The following GRM5 variants were observed in gnomAD, a reference collection of about 807,000 sequenced individuals.
GRM5 encodes the protein glutamate metabotropic receptor 5.
In GRM5, 19 loss-of-function variants were observed where a neutral mutation model predicts 83.1. The observed-to-expected ratio is 0.23, with a 90% CI of 0.16 to 0.34. The LOEUF (loss-of-function observed/expected upper bound fraction) is 0.34, where lower values mean the gene tolerates loss of function less well. Among genes scored for constraint, GRM5 ranks in the 10% least tolerant of loss-of-function variants. The pLI, the probability that GRM5 is intolerant of heterozygous loss-of-function variation, is 1.00. For synonymous variants in GRM5, 675 were observed against 633.6 expected, an observed-to-expected ratio of 1.07 and a Z score of -0.98; for missense variants, 1,160 against 1,588.3, an observed-to-expected ratio of 0.73 and a Z score of 4.58.
At chr11:88,937,695 G>GTCCACCAGGCCCTTAAATAAAATAAAA (rs1227639253) in intron 2 of GRM5, among the ~76,000 whole-genome samples, 69 of 151,738 alleles carry the variant, frequency 4.5e-4, no homozygotes, top group African/African-American at 1.6e-3. Flanking sequence ...TACAGTAGAG[G>GTCCACCAGGCCCTTAAATAAAATAAAA]ATCTTTTATT....
In GRM5 at chr11:88,787,669, G is replaced by A. The variant is rs555790518; in HGVS notation, c.911+62237C>T. ...AAGAATATTAATGATGGTGATGCAT[G>A]GATATGTTTAAGATTGACTTTAAGG... On this transcript the variant is annotated intron_variant, in intron 3 of 9. Coordinates refer to ENST00000305447, the MANE Select transcript of GRM5 (RefSeq NM_001143831.3). Among the ~76,000 whole-genome samples, 5 of 152,104 alleles carry A rather than the reference G, an allele frequency of 3.3e-5. 1 individual carries two copies. The South Asian group carries it at 1.0e-3, about 32-fold the overall frequency.
chr11:89,007,797 A>G (rs1940573090), intron 2 of GRM5, among the ~76,000 whole-genome samples: 1 of 152,320 alleles, frequency 6.6e-6, no homozygotes, highest in South Asian at 2.1e-4. Context: ...CAAGGTGAGA[A>G]GTAAAAGAAA....
At chr11:88,898,160 A>G (rs1054935754) in intron 2 of GRM5, among the ~76,000 whole-genome samples, 2 of 151,886 alleles carry the variant, frequency 1.3e-5, no homozygotes, top group Non-Finnish European at 2.9e-5. Flanking sequence ...CCAATCCTCC[A>G]TCTTCACATG....
At chr11:88,803,267 G>A (rs201751021) in intron 3 of GRM5, among the ~76,000 whole-genome samples, 2,504 of 151,536 alleles carry the variant, frequency 0.017, 41 homozygotes, top group East Asian at 0.067. Context: ...GAGGCATCAC[G>A]CTACCTGACT....
At chr11:89,065,549 C>A (rs796607172) in intron 1 of GRM5, among the ~76,000 whole-genome samples, 1 of 152,168 alleles carries the variant, frequency 6.6e-6, no homozygotes, top group African/African-American at 2.4e-5. Context: ...CTGATTCACA[C>A]AGCACACGTC....
At chr11:88,586,714 A>G (rs1943321894) in intron 7 of GRM5, among the ~76,000 whole-genome samples, 1 of 152,174 alleles carries the variant, frequency 6.6e-6, no homozygotes, top group African/African-American at 2.4e-5. Flanking sequence ...GGCTCTTTGG[A>G]AAAGTGCTGT....
chr11:88,709,686 A>T (rs1469009709), intron 3 of GRM5, among the ~76,000 whole-genome samples: 1 of 152,106 alleles, frequency 6.6e-6, no homozygotes, highest in East Asian at 1.9e-4. Flanking sequence ...ACTCACCCTA[A>T]GTCAACAGAG....
chr11:88,705,410 A>G (rs1182844410), intron 3 of GRM5, among the ~76,000 whole-genome samples: 3 of 152,068 alleles, frequency 2.0e-5, no homozygotes, highest in Non-Finnish European at 4.4e-5. Context: ...TTTAGGATTC[A>G]GTCACCTCTA....
chr11:88,827,135 G>A (rs1943906689), intron 3 of GRM5, among the ~76,000 whole-genome samples: 1 of 152,032 alleles, frequency 6.6e-6, no homozygotes, highest in South Asian at 2.1e-4. Flanking sequence ...ACATCTGAAC[G>A]CCAGTTATTT....
intron 3 of GRM5, among the ~76,000 whole-genome samples, chr11:88,834,727 C>T (rs620497): frequency 0.26 from 40,112 of 152,076 alleles, 5,726 homozygotes; most frequent in South Asian, 0.54. Context: ...CTCATTTCTT[C>T]AGACGTGATT....
chr11:88,509,843 G>A lies in GRM5; in HGVS notation c.2727-339C>T, dbSNP rs550037644. 1.8e-4 allele frequency among the ~76,000 whole-genome samples: 27 copies of A among 152,298 alleles called. No individual in the cohort carries two copies. The East Asian group carries it at 5.0e-3, about 28-fold the overall frequency. On this transcript the variant is annotated intron_variant, in intron 9 of 9. Transcript: ENST00000305447. ...AGTGCAGCAGCACACAGATGCAAGG[G>A]CTTGCAGTGTCCCGGCTGTGTGCAC... is the stretch of plus-strand genomic sequence containing the variant.
In GRM5 at chr11:88,807,507, T is replaced by G. The variant is rs564150749; in HGVS notation, c.911+42399A>C. Among the ~76,000 whole-genome samples the G allele has an allele frequency of 2.7e-4, 41 of 152,220 alleles. No individual in the cohort carries two copies. The South Asian group carries it at 8.5e-3, about 32-fold the overall frequency. ...GACTTTTGCTCAAATGGGAAGCAAT[T>G]AAGATTGAAACTAGATTGGTGTCAG... On this transcript the variant is annotated intron_variant, in intron 3 of 9. Coordinates refer to ENST00000305447, the MANE Select transcript of GRM5 (RefSeq NM_001143831.3).
chr11:88,720,796 C>CTGTGTGTG (rs748475378), intron 3 of GRM5, among the ~76,000 whole-genome samples: 122 of 141,756 alleles, frequency 8.6e-4, no homozygotes, highest in East Asian at 6.9e-3. Context: ...AATCATTACT[C>CTGTGTGTG]TGTGTGTGTG....
chr11:88,822,366 A>G (rs567760289), intron 3 of GRM5, among the ~76,000 whole-genome samples: 81 of 152,338 alleles, frequency 5.3e-4, no homozygotes, highest in Non-Finnish European at 8.7e-4. Context: ...ACATAAAGGC[A>G]ATGATTTTAA....
chr11:88,838,313 T>G (rs1181529203), intron 3 of GRM5, among the ~76,000 whole-genome samples: 1 of 152,082 alleles, frequency 6.6e-6, no homozygotes, highest in African/African-American at 2.4e-5. Flanking sequence ...CTTCCTACTA[T>G]CCCTTCTGGG....
At chr11:88,789,535 A>G (rs1224849730) in intron 3 of GRM5, among the ~76,000 whole-genome samples, 1 of 152,104 alleles carries the variant, frequency 6.6e-6, no homozygotes, top group African/African-American at 2.4e-5. Context: ...CATTTTTGAT[A>G]TTTTTAATAC....
rs182180959 is a variant in GRM5, at chr11:89,023,271, T to C, written c.661+23941A>G. ...CAGGGGGGTAATTGTTATCCCTTTC[T>C]TTTGTCTCTGCTTTCCATCTTACAC... On this transcript the variant is annotated intron_variant, in intron 2 of 9. Coordinates refer to ENST00000305447, the MANE Select transcript of GRM5 (RefSeq NM_001143831.3). 6.6e-4 allele frequency among the ~76,000 whole-genome samples: 101 copies of C among 152,240 alleles called. 1 individual carries two copies. Among genetic ancestry groups the C allele is most frequent in the Admixed American group, 4.8e-3 (74 of 15,294 alleles).
chr11:88,951,315 T>G (rs1296278454), intron 2 of GRM5, among the ~76,000 whole-genome samples: 1 of 152,132 alleles, frequency 6.6e-6, no homozygotes, highest in African/African-American at 2.4e-5. Context: ...TAAAAGAAAA[T>G]TATTCTAGGG....
chr11:89,009,030 C>T (rs1245571945), intron 2 of GRM5: 2 of 732,390 alleles, frequency 2.7e-6, no homozygotes, highest in South Asian at 2.9e-5. Flanking sequence ...TATTGTTTTA[C>T]ACACCTCATA....
Sources: allele counts gnomAD v4.1 joint callset (sites outside exome capture counted in the v4.1 genomes callset), GRCh38; gene constraint gnomAD v4.1.1; transcripts MANE v1.5; gene names NCBI Gene and HGNC (gene_info 2026-07-23, HGNC 2026-07-21).